The following ANKRD12 variants were observed in gnomAD, a reference collection of about 807,000 sequenced individuals.
The protein encoded by ANKRD12 is ankyrin repeat domain-containing protein 12.
ANKRD12 carries 85 observed loss-of-function variants against 183.4 expected under a neutral mutation model. The ratio of observed to expected loss-of-function variants is 0.46; its 90% CI spans 0.39 to 0.56. ANKRD12 has a LOEUF of 0.56. Among genes scored for constraint, ANKRD12 ranks in the 20% least tolerant of loss-of-function variants. ANKRD12 has a pLI of 0.00. For missense variants in ANKRD12, 2,405 were observed against 2,357.1 expected (o/e 1.02, Z -0.42); for synonymous variants, 914 against 800.2 (o/e 1.14, Z -2.40).
At chr18:9,202,977 G>A (rs2144529097) in intron 3 of ANKRD12, among the ~76,000 whole-genome samples, 1 of 152,282 alleles carries the variant, frequency 6.6e-6, no homozygotes, top group African/African-American at 2.4e-5. Flanking sequence ...TTTATTCACT[G>A]TGGTTTAATC....
At chr18:9,265,894 A>G (rs2039261089) in intron 10 of ANKRD12, among the ~76,000 whole-genome samples, 1 of 152,214 alleles carries the variant, frequency 6.6e-6, no homozygotes, top group African/African-American at 2.4e-5. Context: ...ACGAATGGCT[A>G]ACTAGAATAA....
intron 4 of ANKRD12, among the ~76,000 whole-genome samples, chr18:9,205,378 T>C (rs2028656): frequency 0.78 from 119,259 of 151,936 alleles, 47,086 homozygotes; most frequent in Middle Eastern, 0.88. Context: ...TGACATTTAG[T>C]TATAAAAACT....
In ANKRD12 at chr18:9,275,670, A is replaced by G. The variant is rs560966362; in HGVS notation, c.5907+3A>G. On this transcript the variant is annotated splice_donor_region_variant and intron_variant, in intron 11 of 12. Coordinates refer to ENST00000262126, the MANE Select transcript of ANKRD12 (RefSeq NM_015208.5). ...ACAATGTACCATTGGACTCTCAGGT[A>G]AAATGTTTGTTGATACATTTAGAAG... 1.9e-6 allele frequency: 3 copies of G among 1,554,090 alleles called. No homozygotes were observed. Among genetic ancestry groups the G allele is most frequent in the African/African-American group, 1.4e-5 (1 of 73,856 alleles).
chr18:9,144,842 ATG>A (rs1166263212), intron 1 of ANKRD12, among the ~76,000 whole-genome samples: 1 of 152,128 alleles, frequency 6.6e-6, no homozygotes. Context: ...AGGGGAAAAT[ATG>A]TAATTTGCAT....
chr18:9,234,759 G>A lies in ANKRD12; in HGVS notation c.943+12760G>A, dbSNP rs568126240. On this transcript the variant is annotated intron_variant, in intron 8 of 12. Transcript: ENST00000262126. ...GAAAGGGGATAGTGACCCAGTGCAA[G>A]TTCCCTGTCTGGTGCAATGCTTGTG... 1.1e-4 allele frequency among the ~76,000 whole-genome samples: 17 copies of A among 152,284 alleles called. No individual in the cohort carries two copies. The South Asian group carries it at 2.5e-3, about 22-fold the overall frequency.
intron 1 of ANKRD12, among the ~76,000 whole-genome samples, chr18:9,149,180 T>C (rs924210488): frequency 6.6e-6 from 1 of 152,206 alleles, no homozygotes; most frequent in African/African-American, 2.4e-5. Flanking sequence ...AAATTGTCTT[T>C]TTTCTGTTAA....
At chr18:9,170,009 A>G (rs1568247159) in intron 1 of ANKRD12, among the ~76,000 whole-genome samples, 1 of 152,168 alleles carries the variant, frequency 6.6e-6, no homozygotes, top group African/African-American at 2.4e-5. Flanking sequence ...TGGGTTGAAA[A>G]TTATTTTCTT....
intron 1 of ANKRD12, among the ~76,000 whole-genome samples, chr18:9,181,258 A>T (rs1567886223): frequency 6.6e-6 from 1 of 152,174 alleles, no homozygotes; most frequent in African/African-American, 2.4e-5. Flanking sequence ...TAATTTACAA[A>T]TTAGCTCAGT....
At chr18:9,211,202 G>A (rs2035784836) in intron 5 of ANKRD12, among the ~76,000 whole-genome samples, 2 of 152,084 alleles carry the variant, frequency 1.3e-5, no homozygotes, top group African/African-American at 4.8e-5. Flanking sequence ...TGAGTCAGAA[G>A]TGTGGACTCC....
rs373603480 is a variant in ANKRD12, at chr18:9,252,104, A to T, written c.944-2107A>T. On this transcript the variant is annotated intron_variant, in intron 8 of 12. Coordinates refer to ENST00000262126, the MANE Select transcript of ANKRD12 (RefSeq NM_015208.5). The stretch of plus-strand genomic sequence containing the variant: ...CTTAAGGGAACTTGAGGATTTGCAG[A>T]TTTTAGGTGATTTTCTCACCATAGC... Among the ~76,000 whole-genome samples the T allele has an allele frequency of 2.0e-5, 3 of 152,330 alleles. No individual in the cohort carries two copies. The East Asian group carries it at 5.8e-4, about 29-fold the overall frequency.
At chr18:9,183,422 A>G (rs926376815) in intron 2 of ANKRD12, among the ~76,000 whole-genome samples, 2 of 152,148 alleles carry the variant, frequency 1.3e-5, no homozygotes, top group African/African-American at 4.8e-5. Flanking sequence ...TTGTCTCAGT[A>G]GTGCTTTGTA....
chr18:9,167,649 C>T lies in ANKRD12; in HGVS notation c.-51-14733C>T, dbSNP rs577455257. Among the ~76,000 whole-genome samples, 376 of 152,290 alleles carry T rather than the reference C, an allele frequency of 2.5e-3. 8 individuals carry two copies. Among genetic ancestry groups the T allele is most frequent in the African/African-American group, 8.5e-3 (354 of 41,544 alleles). On this transcript the variant is annotated intron_variant, in intron 1 of 12. Transcript: ENST00000262126. Reference sequence around the variant, plus strand: ...CGATGGGGTTTTCTAGATACACAATCATGTCATCTGCAAACAGGGACAATT... The same window carrying T: ...CGATGGGGTTTTCTAGATACACAATTATGTCATCTGCAAACAGGGACAATT...
intron 2 of ANKRD12, among the ~76,000 whole-genome samples, chr18:9,193,339 T>C (rs2034576207): frequency 6.6e-6 from 1 of 151,856 alleles, no homozygotes; most frequent in South Asian, 2.1e-4. Context: ...AAGGTCAGGG[T>C]CCCCCTGTGT....
At chr18:9,201,298 T>C (rs567210339) in intron 3 of ANKRD12, among the ~76,000 whole-genome samples, 13 of 152,366 alleles carry the variant, frequency 8.5e-5, no homozygotes, top group African/African-American at 3.1e-4. Context: ...AGTCACAAAA[T>C]CATACTTAAT....
chr18:9,218,665 CTTTTTTTT>C (rs58382120), intron 7 of ANKRD12, among the ~76,000 whole-genome samples: 1 of 142,896 alleles, frequency 7.0e-6, no homozygotes, highest in Admixed American at 6.9e-5. Context: ...CTTCTTTTTT[CTTTTTTTT>C]TTTTTCTTTT....
rs572759697 is a variant in ANKRD12 at position 9,233,777 on chromosome 18, TG to T, written c.943+11781del. ...TTTTGCTAGGGACAGACATGTCAGG[TG>T]GGCCAGTCTTTGGCCCCAGTGGTGG... On this transcript the variant is annotated intron_variant, in intron 8 of 12. Coordinates refer to ENST00000262126, the MANE Select transcript of ANKRD12 (RefSeq NM_015208.5). Among the ~76,000 whole-genome samples, 41 of 152,338 alleles carry T rather than the reference TG, an allele frequency of 2.7e-4. No individual in the cohort carries two copies. In the East Asian group the frequency reaches 7.9e-3, roughly 29 times the overall value.
chr18:9,186,139 T>TTTTTTTTTTTTTTTTTTTTTTG (rs2034041518), intron 2 of ANKRD12, among the ~76,000 whole-genome samples: 1 of 140,714 alleles, frequency 7.1e-6, no homozygotes, highest in Non-Finnish European at 1.5e-5. Context: ...AAAGTGTGAT[T>TTTTTTTTTTTTTTTTTTTTTTG]TTTTTTTTTT....
chr18:9,197,828 A>AT (rs1567905957), intron 3 of ANKRD12, among the ~76,000 whole-genome samples: 2 of 152,274 alleles, frequency 1.3e-5, no homozygotes, highest in Admixed American at 6.5e-5. Flanking sequence ...GCAGAAGAAA[A>AT]TTCCTGTGTA....
chr18:9,148,784 G>A (rs1432343770), intron 1 of ANKRD12, among the ~76,000 whole-genome samples: 2 of 152,092 alleles, frequency 1.3e-5, no homozygotes, highest in African/African-American at 2.4e-5. Context: ...GTTTCACCAA[G>A]GGCACCTTTC....
Sources: gnomAD v4.1 joint callset for allele counts (sites outside exome capture counted in the v4.1 genomes callset) on GRCh38, gnomAD v4.1.1 for gene constraint, MANE v1.5 for transcripts, NCBI Gene and HGNC (gene_info 2026-07-23, HGNC 2026-07-21) for gene names.